MAGI1: variants seen among roughly 807,000 people sequenced by gnomAD.
MAGI1 encodes the protein membrane-associated guanylate kinase, WW and PDZ domain-containing protein 1.
Under a neutral mutation model 139.9 loss-of-function variants are expected in MAGI1, and 58 were observed. The observed-to-expected ratio is 0.41, with a 90% confidence interval of 0.34 to 0.52. The LOEUF (loss-of-function observed/expected upper bound fraction) is 0.52. Among genes scored for constraint, MAGI1 ranks in the 20% least tolerant of loss-of-function variants. The probability of loss-of-function intolerance (pLI) is 0.12; values close to 1 mark genes in which losing one functional copy is unlikely to be tolerated. For missense variants in MAGI1, 1,874 were observed against 1,901.6 expected (o/e 0.99, Z 0.27); for synonymous variants, 812 against 737.9 (o/e 1.10, Z -1.63).
At chr3:65,516,846 G>A (rs2077916664) in intron 2 of MAGI1, among the ~76,000 whole-genome samples, 1 of 143,818 alleles carries the variant, frequency 7.0e-6, no homozygotes, top group Non-Finnish European at 1.5e-5. Flanking sequence ...TCCTGCCTCA[G>A]CCTCCCGAGT....
chr3:65,477,721 T>TTTA (rs1553650556), intron 4 of MAGI1, among the ~76,000 whole-genome samples: 7 of 150,132 alleles, frequency 4.7e-5, no homozygotes, highest in African/African-American at 1.7e-4. Context: ...ATTTTTTTTT[T>TTTA]TTTATTTATA....
At chr3:65,570,065 TTTATTATCA>T (rs1254021991) in intron 2 of MAGI1, among the ~76,000 whole-genome samples, 10 of 129,146 alleles carry the variant, frequency 7.7e-5, no homozygotes, top group Admixed American at 4.5e-4. Flanking sequence ...TCTTTCTTTC[TTTATTATCA>T]TTATTATTAT....
At chr3:65,889,260 T>C (rs548158998) in intron 1 of MAGI1, among the ~76,000 whole-genome samples, 3 of 152,358 alleles carry the variant, frequency 2.0e-5, no homozygotes, top group Non-Finnish European at 4.4e-5. Flanking sequence ...AGTAATCATC[T>C]GATATGTAGG....
chr3:65,957,654 A>G (rs2064201739), intron 1 of MAGI1, among the ~76,000 whole-genome samples: 1 of 152,180 alleles, frequency 6.6e-6, no homozygotes, highest in African/African-American at 2.4e-5. Flanking sequence ...CTATCTGTAC[A>G]AAGTTCCAAA....
At chr3:65,672,820 G>A (rs1372539097) in intron 1 of MAGI1, among the ~76,000 whole-genome samples, 1 of 152,002 alleles carries the variant, frequency 6.6e-6, no homozygotes, top group African/African-American at 2.4e-5. Flanking sequence ...CTCTATCAAG[G>A]GTGGGCCCTA....
intron 1 of MAGI1, among the ~76,000 whole-genome samples, chr3:66,022,187 T>C (rs992322812): frequency 1.4e-4 from 21 of 152,262 alleles, no homozygotes; most frequent in African/African-American, 4.3e-4. Flanking sequence ...TTATCTTTCT[T>C]TGGGATAATT....
chr3:66,005,326 G>A (rs2066956998), intron 1 of MAGI1, among the ~76,000 whole-genome samples: 4 of 152,124 alleles, frequency 2.6e-5, no homozygotes, highest in Admixed American at 2.6e-4. Flanking sequence ...GCAATGAGTG[G>A]CCCATATCTT....
chr3:65,980,772 T>C lies in MAGI1; in HGVS notation c.313+57224A>G, dbSNP rs957084514. Among the ~76,000 whole-genome samples the C allele has an allele frequency of 8.5e-5, 13 of 152,190 alleles. 1 individual carries two copies. Among genetic ancestry groups the C allele is most frequent in the Admixed American group, 6.5e-4 (10 of 15,280 alleles). The stretch of plus-strand genomic sequence containing the variant: ...TTAGTGCAAGCACAGCCACAGATTA[T>C]ATATGTGCTGTAGAGCTTACCCCGT... On this transcript the variant is annotated intron_variant, in intron 1 of 22. Coordinates refer to ENST00000402939, the MANE Select transcript of MAGI1 (RefSeq NM_001033057.2).
intron 1 of MAGI1, among the ~76,000 whole-genome samples, chr3:65,693,363 T>C (rs73129869): frequency 0.14 from 21,000 of 152,192 alleles, 2,258 homozygotes; most frequent in East Asian, 0.43. Flanking sequence ...CCTAAGATCA[T>C]GTAACCTTTA....
intron 2 of MAGI1, among the ~76,000 whole-genome samples, chr3:65,508,062 T>C (rs1396250718): frequency 2.6e-5 from 4 of 152,222 alleles, no homozygotes; most frequent in Non-Finnish European, 5.9e-5. Context: ...ATTAGAATAC[T>C]ATATGAGGTA....
chr3:65,943,938 G>A (rs1336226857), intron 1 of MAGI1, among the ~76,000 whole-genome samples: 1 of 152,104 alleles, frequency 6.6e-6, no homozygotes, highest in African/African-American at 2.4e-5. Context: ...TTTGTGAACT[G>A]GGCATTGTTT....
At chr3:65,903,206 C>A (rs1176511813) in intron 1 of MAGI1, among the ~76,000 whole-genome samples, 2 of 152,150 alleles carry the variant, frequency 1.3e-5, no homozygotes, top group Non-Finnish European at 2.9e-5. Flanking sequence ...GGTGCCCAGG[C>A]TGGTTCTGAA....
chr3:65,691,416 A>G (rs893345940), intron 1 of MAGI1, among the ~76,000 whole-genome samples: 3 of 152,104 alleles, frequency 2.0e-5, no homozygotes, highest in African/African-American at 7.2e-5. Context: ...AATAGCAAAA[A>G]CCACAATTAC....
At chr3:65,998,989 G>A (rs985541819) in intron 1 of MAGI1, among the ~76,000 whole-genome samples, 22 of 152,012 alleles carry the variant, frequency 1.4e-4, no homozygotes, top group African/African-American at 3.1e-4. Flanking sequence ...GGATAAAATC[G>A]CATTACATTC....
chr3:65,678,180 G>A (rs1473206565), intron 1 of MAGI1, among the ~76,000 whole-genome samples: 1 of 152,146 alleles, frequency 6.6e-6, no homozygotes, highest in Non-Finnish European at 1.5e-5. Flanking sequence ...AGAGGATGGG[G>A]AGCTAGGGGA....
chr3:65,722,515 C>T (rs144405993), intron 1 of MAGI1, among the ~76,000 whole-genome samples: 2,455 of 152,052 alleles, frequency 0.016, 66 homozygotes, highest in African/African-American at 0.055. Flanking sequence ...TACCTGTAGT[C>T]CCAGCTACTT....
At chr3:65,741,400 T>C (rs1315557277) in intron 1 of MAGI1, among the ~76,000 whole-genome samples, 1 of 152,168 alleles carries the variant, frequency 6.6e-6, no homozygotes, top group African/African-American at 2.4e-5. Context: ...GGACTCAGTC[T>C]CCTGACCTCC....
chr3:65,780,057 CTG>C (rs552130607), intron 1 of MAGI1, among the ~76,000 whole-genome samples: 30 of 152,244 alleles, frequency 2.0e-4, no homozygotes, highest in African/African-American at 7.0e-4. Flanking sequence ...TCATCTCACT[CTG>C]TGGCCCAGGC....
intron 1 of MAGI1, among the ~76,000 whole-genome samples, chr3:65,858,317 T>C (rs1004259264): frequency 2.6e-5 from 4 of 152,124 alleles, no homozygotes; most frequent in Admixed American, 6.5e-5. Flanking sequence ...TAATACGAAG[T>C]GATGTTGTGA....
Sources: allele counts gnomAD v4.1 joint callset (sites outside exome capture counted in the v4.1 genomes callset), GRCh38; gene constraint gnomAD v4.1.1; transcripts MANE v1.5; gene names NCBI Gene and HGNC (gene_info 2026-07-23, HGNC 2026-07-21).